Variants in PLEKHG4 observed in about 807,000 individuals in gnomAD.
The protein encoded by PLEKHG4 is pleckstrin homology and RhoGEF domain containing G4, also known as puratrophin-1.
Under a neutral mutation model 136.9 loss-of-function variants are expected in PLEKHG4, and 85 were observed. The observed-to-expected ratio is 0.62, with a 90% CI of 0.52 to 0.74. The LOEUF is 0.74. PLEKHG4 is among the 30% of genes least tolerant of loss of function. The pLI is 0.00. For missense variants in PLEKHG4, 1,317 were observed against 1,527.8 expected (o/e 0.86, Z 2.30); for synonymous variants, 577 against 646.9 (o/e 0.89, Z 1.64).
chr16:67,282,145 T>C, intron 8 of PLEKHG4, 38 bp downstream of exon 8: 1 of 1,613,296 alleles, frequency 6.2e-7, no homozygotes, highest in Non-Finnish European at 8.5e-7. Context: ...GAATGCTCCC[T>C]GTCTCCCTCC....
At chr16:67,288,685 C>A (rs904711383) in intron 21 of PLEKHG4, 81 bp downstream of exon 21, 18 of 1,598,558 alleles carry the variant, frequency 1.1e-5, no homozygotes, top group Middle Eastern at 1.7e-4. Flanking sequence ...CCTCCCCAGC[C>A]CAGGCTAGGC....
chr16:67,281,176 CA>C lies in PLEKHG4; in HGVS notation c.807del (p.Gln269HisfsTer15). The C allele has an allele frequency of 6.2e-7, 1 of 1,606,136 alleles. No homozygotes were observed. The highest frequency in any genetic ancestry group is 8.5e-7 in the Non-Finnish European group (1 of 1,172,896). On this transcript the variant is annotated frameshift_variant, in exon 5 of 22. Transcript: ENST00000379344. LOFTEE classifies it high-confidence loss of function. Reference protein sequence around the residue: ...PSSSLFSGLSQLQEAAPGAVY... With the variant: ...PSSSLFSGLSXLQEAAPGAVY... Reference sequence around the variant, plus strand: ...TTCTTCCCTCTTCTCTGGGCTCAGCCAACTACAAGTGAGTACAGGATTGTAG... The same window carrying C: ...TTCTTCCCTCTTCTCTGGGCTCAGCCACTACAAGTGAGTACAGGATTGTAG...
Position 67,286,675 on chromosome 16 carries a change from T to C in PLEKHG4, c.2754+9T>C. 1 of 1,580,904 alleles carries C rather than the reference T, an allele frequency of 6.3e-7. No individual in the cohort carries two copies. Among genetic ancestry groups the C allele is most frequent in the Non-Finnish European group, 8.6e-7 (1 of 1,162,910 alleles). Reference sequence around the variant, plus strand: ...CCATCCAGGGCTGTGATGTGAGTCATCCCAGGGCAAGGGCAGTGGGTGTGA... The same window carrying C: ...CCATCCAGGGCTGTGATGTGAGTCACCCCAGGGCAAGGGCAGTGGGTGTGA... On this transcript the variant is annotated intron_variant, in intron 16 of 21. Coordinates refer to ENST00000379344, the MANE Select transcript of PLEKHG4 (RefSeq NM_001129729.3).
rs765142240 is a variant in PLEKHG4, at chr16:67,287,211, C to G, written c.3103+34C>G. 18 of 1,594,950 alleles carry G rather than the reference C, an allele frequency of 1.1e-5. No homozygotes were observed. In the East Asian group the frequency reaches 4.0e-4, roughly 36 times the overall value. On this transcript the variant is annotated intron_variant, in intron 18 of 21. Coordinates refer to ENST00000379344, the MANE Select transcript of PLEKHG4 (RefSeq NM_001129729.3). ...ATGCCCCTCCTTCACGCCACACTCC[C>G]CTCACTGGAGAGCTTACATTGACCC...
chr16:67,282,691 C>A (rs370992176), intron 10 of PLEKHG4, 50 bp downstream of exon 10: 1 of 1,613,110 alleles, frequency 6.2e-7, no homozygotes, highest in African/African-American at 1.3e-5. Context: ...CAGACGTGAG[C>A]CCCCAGTCCA....
At position 67,286,591 on chromosome 16, in the gene PLEKHG4, G is replaced by A; in HGVS notation, c.2679G>A (p.Glu893=). ...GPTQELSALR[E]AQSLVHFQLR... ...CGCAGGAGCTCAGTGCGCTGCGGGA[G>A]GCCCAGAGCCTTGTGCACTTCCAGC... is the stretch of plus-strand genomic sequence containing the variant. The change falls in exon 16 of 22, where the codon GAG becomes GAA. Residue 893 remains glutamate (E), a synonymous_variant. Coordinates refer to ENST00000379344, the MANE Select transcript of PLEKHG4 (RefSeq NM_001129729.3). The A allele has an allele frequency of 6.4e-7, 1 of 1,560,326 alleles. No individual in the cohort carries two copies. Among genetic ancestry groups the A allele is most frequent in the African/African-American group, 1.4e-5 (1 of 73,518 alleles).
chr16:67,286,464 G>C lies in PLEKHG4; in HGVS notation c.2552G>C (p.Gly851Ala). The C allele has an allele frequency of 6.2e-7, 1 of 1,610,750 alleles. No individual in the cohort carries two copies. The highest frequency in any genetic ancestry group is 8.5e-7 in the Non-Finnish European group (1 of 1,178,198). ...CCACAGGACAAGCAGCAAGCACTGG[G>C]GGACCACCTGGACCTGGCCTCCTAC... ...TFFKDKQQALGDHLDLASYLL... is the reference protein window; with the variant it reads ...TFFKDKQQALADHLDLASYLL... The change falls in exon 16 of 22, where the codon GGG (glycine) becomes GCG (alanine). Residue 851 changes from glycine (G) to alanine (A), a missense_variant. Gly to Ala is a moderately conservative substitution (Grantham distance 60). Transcript: ENST00000379344.
intron 1 of PLEKHG4, 119 bp from the exon 2 acceptor site, chr16:67,279,757 G>T (rs2036125021): frequency 1.0e-5 from 4 of 396,936 alleles, no homozygotes; most frequent in African/African-American, 8.1e-5. Context: ...CACGGGCATG[G>T]GCCTGCAGAG....
chr16:67,282,073 G>A lies in PLEKHG4; in HGVS notation c.1070G>A (p.Ser357Asn). 1 of 1,613,656 alleles carries A rather than the reference G, an allele frequency of 6.2e-7. No individual in the cohort carries two copies. The highest frequency in any genetic ancestry group is 1.1e-5 in the South Asian group (1 of 91,082). ...GCCCTGCTCCAGGGGGCCATCGAAA[G>A]TGTGAAGGCTGTGCCCCAGCCCATG... is the stretch of plus-strand genomic sequence containing the variant. ...ACALLQGAIE[S>N]VKAVPQPMEP... The change falls in exon 8 of 22, where the codon AGT becomes AAT. Residue 357 changes from serine (S) to asparagine (N), a missense_variant. Coordinates refer to ENST00000379344, the MANE Select transcript of PLEKHG4 (RefSeq NM_001129729.3).
rs557977420 is a variant in PLEKHG4 at position 67,281,731 on chromosome 16, AG to A, written c.900del (p.Gln300HisfsTer8). 2 of 1,614,088 alleles carry A rather than the reference AG, an allele frequency of 1.2e-6. No individual in the cohort carries two copies. Among genetic ancestry groups the A allele is most frequent in the South Asian group, 2.2e-5 (2 of 91,084 alleles). On this transcript the variant is annotated frameshift_variant, in exon 7 of 22. Transcript: ENST00000379344. LOFTEE classifies it high-confidence loss of function. ...CACCTTCTTCTCCTGTAGCTGGAGC[AG>A]TTGCCTTCTCAGAGCCTGCTGACCC... The part of the protein sequence containing the change: ...KEVPSGLQLE[Q>X]LPSQSLLTHI...
intron 5 of PLEKHG4, 106 bp from the exon 6 acceptor site, chr16:67,281,461 A>T: frequency 1.1e-6 from 1 of 929,066 alleles, no homozygotes; most frequent in Non-Finnish European, 1.7e-6. Flanking sequence ...TCCTGAACTC[A>T]GGTGATCCTC....
At chr16:67,285,661 G>A in intron 14 of PLEKHG4, 125 bp downstream of exon 14, 2 of 1,095,592 alleles carry the variant, frequency 1.8e-6, no homozygotes. Context: ...GCAGGCTCCT[G>A]CACCTGAGGG....
In PLEKHG4 at chr16:67,282,312, C is replaced by T; in HGVS notation, c.1216C>T (p.Gln406Ter). The change falls in exon 9 of 22, where the codon CAA becomes TAA. Residue 406 changes from glutamine to a stop codon, truncating the protein, a stop_gained. Coordinates refer to ENST00000379344, the MANE Select transcript of PLEKHG4 (RefSeq NM_001129729.3). LOFTEE classifies it high-confidence loss of function. ...QGGRELTWLKQEVPEVTLSPD... is the reference protein window; with the variant it reads ...QGGRELTWLK ...GGGCCGGGAGCTGACATGGCTGAAG[C>T]AAGAGGTCCCAGAGGTGACCCTGAG... The T allele has an allele frequency of 6.2e-7, 1 of 1,613,044 alleles. No individual in the cohort carries two copies. The highest frequency in any genetic ancestry group is 1.1e-5 in the South Asian group (1 of 91,070).
Position 67,285,541 on chromosome 16 carries a change from G to T in PLEKHG4, c.2442+5G>T. On this transcript the variant is annotated splice_donor_5th_base_variant and intron_variant, in intron 14 of 21. Coordinates refer to ENST00000379344, the MANE Select transcript of PLEKHG4 (RefSeq NM_001129729.3). ...GCCTATGCCTTCCTGCGCCATGTAA[G>T]CCCGACAGGCCATGTGGTATCAGCT... The T allele has an allele frequency of 1.2e-6, 2 of 1,605,178 alleles. No homozygotes were observed.
At chr16:67,278,555 C>G (rs1156975409), upstream of PLEKHG4, 1 of 152,174 alleles carries the variant, frequency 6.6e-6, no homozygotes, top group East Asian at 1.9e-4. Flanking sequence ...CCTAAAGGGA[C>G]CTCAAATCGC....
At position 67,288,926 on chromosome 16, in the gene PLEKHG4, CA is replaced by C; in HGVS notation, c.*120del. 1.8e-6 allele frequency: 2 copies of C among 1,135,398 alleles called. No individual in the cohort carries two copies. The highest frequency in any genetic ancestry group is 2.6e-6 in the Non-Finnish European group (2 of 765,100). 70.3% of individuals were successfully genotyped at this position (1,135,398 alleles called of 1,614,324 possible). ...CTGGGCTACCTCCAACCTACATGTG[CA>C]ACGCTGTTGACTACCCTTTCTGATG... On this transcript the variant is annotated 3_prime_UTR_variant, in exon 22 of 22. Coordinates refer to ENST00000379344, the MANE Select transcript of PLEKHG4 (RefSeq NM_001129729.3).
rs773595667 is a variant in PLEKHG4, at chr16:67,286,932, A to C, written c.2925+13A>C. On this transcript the variant is annotated intron_variant, in intron 17 of 21. Coordinates refer to ENST00000379344, the MANE Select transcript of PLEKHG4 (RefSeq NM_001129729.3). ...GCGCTCCTTCAAGGTAGGCCTGCCC[A>C]CCCCAGGCCCCACCACTTGTTTTCC... 1.9e-6 allele frequency: 3 copies of C among 1,612,770 alleles called. No individual in the cohort carries two copies. The highest frequency in any genetic ancestry group is 2.2e-5 in the South Asian group (2 of 91,064).
intron 11 of PLEKHG4, among the ~76,000 whole-genome samples, chr16:67,283,182 ATGGGGGC>A (rs2036310022): frequency 6.6e-6 from 1 of 152,056 alleles, no homozygotes; most frequent in Admixed American, 6.6e-5. Context: ...AGGGTTGAGG[ATGGGGGC>A]ACATTCCAGG....
At position 67,288,362 on chromosome 16, in the gene PLEKHG4, T is replaced by C. The variant is rs762342367; in HGVS notation, c.3416T>C (p.Leu1139Pro). Reference protein sequence around the residue: ...LYPSFPEEAALEAEAELGGQP... With the variant: ...LYPSFPEEAAPEAEAELGGQP... ...CCCAGCTTCCCAGAGGAAGCAGCAC[T>C]GGAGGCTGAGGCAGAGCTGGGCGGC... The change falls in exon 20 of 22, where the codon CTG becomes CCG. Residue 1139 changes from leucine (L) to proline (P), a missense_variant. Physicochemically the swap from Leu to Pro is moderately conservative, Grantham distance 98 (BLOSUM62 -3). Transcript: ENST00000379344. 1.9e-6 allele frequency: 3 copies of C among 1,611,680 alleles called. No individual in the cohort carries two copies. The African/African-American group carries it at 4.0e-5, about 22-fold the overall frequency.
Sources: allele counts gnomAD v4.1 joint callset (sites outside exome capture counted in the v4.1 genomes callset), GRCh38; gene constraint gnomAD v4.1.1; transcripts MANE v1.5; gene names NCBI Gene and HGNC (gene_info 2026-07-23, HGNC 2026-07-21).